Variants in KCNQ1OT1 observed in about 807,000 individuals in gnomAD.
KCNQ1OT1 encodes the protein KCNQ1 antisense RNA 2 (non-protein coding).
At position 2,691,216 on chromosome 11, in the gene KCNQ1OT1, G is replaced by A; in HGVS notation, n.8779C>T. ...CTGTGTTTAAAAATTAGCAAGTGGA[G>A]GAGTTAGAGGATCTGCAGTTAACCC... On this transcript the variant is annotated non_coding_transcript_exon_variant, in exon 1 of 1. Transcript: ENST00000597346. The surrounding 1 kb of genome is among the most constrained non-coding windows in gnomAD (Gnocchi z 6.4). The A allele has an allele frequency of 5.0e-6, 2 of 398,668 alleles. No homozygotes were observed. The highest frequency in any genetic ancestry group is 8.8e-6 in the Non-Finnish European group (2 of 226,106). 24.7% of individuals were successfully genotyped at this position (398,668 alleles called of 1,614,324 possible).
At chr11:2,660,460 A>C (rs1849931750) in exon 1 of KCNQ1OT1, 1 of 398,534 alleles carries the variant, frequency 2.5e-6, no homozygotes, top group South Asian at 1.3e-4. Context: ...AACATAATTC[A>C]GGTGAAAAAA....
chr11:2,689,474 T>C, exon 1 of KCNQ1OT1: 2 of 398,698 alleles, frequency 5.0e-6, no homozygotes, highest in Admixed American at 4.4e-5. Context: ...CTGCTCTGCC[T>C]ACCTGCATTC....
exon 1 of KCNQ1OT1, chr11:2,699,522 G>A (rs954853110): frequency 4.0e-5 from 11 of 275,504 alleles, no homozygotes; most frequent in Non-Finnish European, 6.0e-5. Flanking sequence ...CCAGGAGAGT[G>A]CCGCGCTGAG....
chr11:2,632,406 T>C (rs1361122252), exon 1 of KCNQ1OT1: 2 of 398,358 alleles, frequency 5.0e-6, no homozygotes, highest in Non-Finnish European at 8.8e-6. Context: ...CTATGTTTAA[T>C]ATAATGGCTA....
chr11:2,630,576 A>G, exon 1 of KCNQ1OT1: 1 of 398,220 alleles, frequency 2.5e-6, no homozygotes, highest in Non-Finnish European at 4.4e-6. Context: ...ATTTTTAATT[A>G]TTTTTCTTTT....
At position 2,658,110 on chromosome 11, in the gene KCNQ1OT1, CA is replaced by C. The variant is rs764022178; in HGVS notation, n.41884del. 2 of 398,134 alleles carry C rather than the reference CA, an allele frequency of 5.0e-6. No homozygotes were observed. Among genetic ancestry groups the C allele is most frequent in the Admixed American group, 8.8e-5 (2 of 22,704 alleles). The allele number at this position is 398,134 out of a possible 1,614,324, so 24.7% of individuals were successfully genotyped here. On this transcript the variant is annotated non_coding_transcript_exon_variant, in exon 1 of 1. Coordinates refer to ENST00000597346, the Ensembl canonical transcript of KCNQ1OT1. This position sits in a 1 kb window ranked among gnomAD's most constrained non-coding sequence, Gnocchi z 4.9. ...AACTCTACCTCCTGCAGGAGAGTAT[CA>C]AAAAAAATCTGCAAATATGTTAAAA...
rs1252694563 is a variant in KCNQ1OT1 at position 2,678,479 on chromosome 11, T to C, written n.21516A>G. ...CTGCTACCTTTATCATATTTCAAACTCTCATTTAATTTGTGTCCATTTCTA... is the reference window on the plus strand; with the variant it reads ...CTGCTACCTTTATCATATTTCAAACCCTCATTTAATTTGTGTCCATTTCTA... On this transcript the variant is annotated non_coding_transcript_exon_variant, in exon 1 of 1. Transcript: ENST00000597346. The surrounding 1 kb of genome is among the most constrained non-coding windows in gnomAD (Gnocchi z 4.9). The C allele has an allele frequency of 2.3e-5, 9 of 398,496 alleles. No homozygotes were observed. Among genetic ancestry groups the C allele is most frequent in the Non-Finnish European group, 4.0e-5 (9 of 226,062 alleles). The allele number at this position is 398,496 out of a possible 1,614,324, so 24.7% of individuals were successfully genotyped here. A position where few individuals can be genotyped will look rare whatever the true frequency, so the allele number is the denominator to read the frequency against.
chr11:2,686,740 C>T (rs1044663646), exon 1 of KCNQ1OT1: 1 of 398,670 alleles, frequency 2.5e-6, no homozygotes, highest in Non-Finnish European at 4.4e-6. Context: ...TACCCAGGAC[C>T]AGTAGCTTTC....
exon 1 of KCNQ1OT1, chr11:2,641,770 A>C (rs934009914): frequency 1.0e-5 from 4 of 398,306 alleles, no homozygotes; most frequent in Non-Finnish European, 8.9e-6. Flanking sequence ...TTATAGTTTC[A>C]TGCCTCATGT....
chr11:2,612,582 T>C lies in KCNQ1OT1; in HGVS notation n.87413A>G, dbSNP rs139749629. 745 of 398,602 alleles carry C rather than the reference T, an allele frequency of 1.9e-3. 4 individuals are homozygous for C. Among genetic ancestry groups the C allele is most frequent in the African/African-American group, 0.011 (556 of 48,760 alleles). 24.7% of individuals were successfully genotyped at this position (398,602 alleles called of 1,614,324 possible). On this transcript the variant is annotated non_coding_transcript_exon_variant, in exon 1 of 1. Transcript: ENST00000597346. This position sits in a 1 kb window ranked among gnomAD's most constrained non-coding sequence, Gnocchi z 5.5. ...TTATATTTCACAACTACAGAATTTC[T>C]ATTTGGTTTCTAATTTCTATCTCTA...
chr11:2,666,355 G>A (rs1850067227), exon 1 of KCNQ1OT1: 1 of 398,630 alleles, frequency 2.5e-6, no homozygotes, highest in Non-Finnish European at 4.4e-6. Flanking sequence ...GCAAGCATGT[G>A]CTTGCCTGGC....
chr11:2,629,981 T>A, exon 1 of KCNQ1OT1: 1 of 396,942 alleles, frequency 2.5e-6, no homozygotes, highest in East Asian at 3.6e-5. Context: ...GGTGAGAATA[T>A]CTTTTTCTTG....
chr11:2,665,981 A>T (rs568711226), exon 1 of KCNQ1OT1: 1 of 398,664 alleles, frequency 2.5e-6, no homozygotes, highest in South Asian at 1.3e-4. Context: ...CTGCCAAGCC[A>T]GCCAGGACTG....
Position 2,682,321 on chromosome 11 carries a change from A to G in KCNQ1OT1, n.17674T>C, listed in dbSNP as rs951387113. 5.0e-6 allele frequency: 2 copies of G among 398,452 alleles called. No homozygotes were observed. The allele number at this position is 398,452 out of a possible 1,614,324, so 24.7% of individuals were successfully genotyped here. A position where few individuals can be genotyped will look rare whatever the true frequency, so the allele number is the denominator to read the frequency against. ...CCTCCCCTCCCATTCTTAATGTGTA[A>G]CTGTGTGTTTATTTGTGGTAAAGGG... On this transcript the variant is annotated non_coding_transcript_exon_variant, in exon 1 of 1. Transcript: ENST00000597346. The surrounding 1 kb of genome is among the most constrained non-coding windows in gnomAD (Gnocchi z 5.8).
In KCNQ1OT1 at chr11:2,669,683, A is replaced by G. The variant is rs1850146474; in HGVS notation, n.30312T>C. 1 of 398,600 alleles carries G rather than the reference A, an allele frequency of 2.5e-6. No individual in the cohort carries two copies. Among genetic ancestry groups the G allele is most frequent in the East Asian group, 3.6e-5 (1 of 28,078 alleles). The allele number at this position is 398,600 out of a possible 1,614,324, so 24.7% of individuals were successfully genotyped here. ...CTCACAGTATTAGTGTAAGGCCTTG[A>G]GGAGATGGTGTTAGGCATCCAGCCA... On this transcript the variant is annotated non_coding_transcript_exon_variant, in exon 1 of 1. Transcript: ENST00000597346. The surrounding 1 kb of genome is among the most constrained non-coding windows in gnomAD (Gnocchi z 5.6).
At chr11:2,688,410 T>G in exon 1 of KCNQ1OT1, 1 of 398,786 alleles carries the variant, frequency 2.5e-6, no homozygotes. Context: ...TGATCCTCTG[T>G]GTAGGCACTG....
chr11:2,611,248 C>T lies in KCNQ1OT1; in HGVS notation n.88747G>A, dbSNP rs1034182674. On this transcript the variant is annotated non_coding_transcript_exon_variant, in exon 1 of 1. Coordinates refer to ENST00000597346, the Ensembl canonical transcript of KCNQ1OT1. The surrounding 1 kb of genome is among the most constrained non-coding windows in gnomAD (Gnocchi z 5.3). ...TTTTATTTTATTTTTGGGATGGAGT[C>T]TCACTCTGTTGCCCAGGCTGGAGTG... The T allele has an allele frequency of 9.2e-4, 364 of 397,638 alleles. No homozygotes were observed. The highest frequency in any genetic ancestry group is 1.3e-3 in the Non-Finnish European group (290 of 225,972). The allele number at this position is 397,638 out of a possible 1,614,324, so 24.6% of individuals were successfully genotyped here. A position where few individuals can be genotyped will look rare whatever the true frequency, so the allele number is the denominator to read the frequency against.
rs531420343 is a variant in KCNQ1OT1 at position 2,682,172 on chromosome 11, C to T, written n.17823G>A. The T allele has an allele frequency of 3.4e-4, 134 of 398,608 alleles. No individual in the cohort carries two copies. Among genetic ancestry groups the T allele is most frequent in the African/African-American group, 2.5e-3 (123 of 48,738 alleles). The allele number at this position is 398,608 out of a possible 1,614,324, so 24.7% of individuals were successfully genotyped here. A position where few individuals can be genotyped will look rare whatever the true frequency, so the allele number is the denominator to read the frequency against. The stretch of plus-strand genomic sequence containing the variant: ...TTCAGTATTAAACATATCAAGCTCT[C>T]TCCTGACCTTCTCTCCCCTTCCCCA... On this transcript the variant is annotated non_coding_transcript_exon_variant, in exon 1 of 1. Transcript: ENST00000597346. This position sits in a 1 kb window ranked among gnomAD's most constrained non-coding sequence, Gnocchi z 5.8.
At chr11:2,662,393 C>A in exon 1 of KCNQ1OT1, 1 of 509,408 alleles carries the variant, frequency 2.0e-6, no homozygotes, top group South Asian at 3.6e-5. Context: ...CTCCCCTGCC[C>A]CCCAAAAAAG....
Sources: gnomAD v4.1 joint callset for allele counts on GRCh38, gnomAD v4.1.1 for gene constraint, Gnocchi (gnomAD v3.1) non-coding constraint, MANE v1.5 for transcripts, NCBI Gene and HGNC (gene_info 2026-07-23, HGNC 2026-07-21) for gene names.